The following NBEA variants were observed in gnomAD, a reference collection of about 807,000 sequenced individuals.
NBEA encodes lysosomal-trafficking regulator 2.
NBEA carries 44 observed loss-of-function variants against 343.4 expected under a neutral mutation model. That is an observed-to-expected ratio of 0.13 (90% confidence interval 0.10 to 0.16). NBEA has a LOEUF of 0.16. Among genes scored for constraint, NBEA ranks in the 10% least tolerant of loss-of-function variants. The pLI is 1.00. For synonymous variants in NBEA, 1,175 were observed against 1,238.7 expected (o/e 0.95, Z 1.08); for missense variants, 2,555 against 3,631.3 (o/e 0.70, Z 7.62).
intron 33 of NBEA, among the ~76,000 whole-genome samples, chr13:35,227,701 A>G (rs2074732286): frequency 6.6e-6 from 1 of 152,048 alleles, no homozygotes; most frequent in Admixed American, 6.6e-5. Context: ...GTTGTTTATT[A>G]TATTTGTGAC....
chr13:34,984,394 A>G (rs1235697926), intron 1 of NBEA, among the ~76,000 whole-genome samples: 2 of 151,982 alleles, frequency 1.3e-5, no homozygotes, highest in African/African-American at 2.4e-5. Flanking sequence ...GATCTGTTCC[A>G]TTGTTCTATA....
chr13:35,490,641 T>C (rs2076469304), intron 41 of NBEA, among the ~76,000 whole-genome samples: 1 of 151,944 alleles, frequency 6.6e-6, no homozygotes. Flanking sequence ...TTAAGAACAT[T>C]TTTACATCTT....
At chr13:35,259,970 A>G (rs2033057507) in intron 34 of NBEA, among the ~76,000 whole-genome samples, 1 of 152,238 alleles carries the variant, frequency 6.6e-6, no homozygotes, top group Non-Finnish European at 1.5e-5. Flanking sequence ...AACATTGACA[A>G]TCAGTGCTTT....
intron 38 of NBEA, among the ~76,000 whole-genome samples, chr13:35,389,813 G>C (rs2042412398): frequency 6.6e-6 from 1 of 151,900 alleles, no homozygotes; most frequent in South Asian, 2.1e-4. Flanking sequence ...CAGATAAAGT[G>C]GTCCTTTTAT....
intron 41 of NBEA, chr13:35,474,964 C>T (rs1009425100): frequency 7.7e-7 from 1 of 1,291,732 alleles, no homozygotes; most frequent in African/African-American, 1.5e-5. Context: ...AGATTGTTTG[C>T]ACTGCGGAGT....
intron 47 of NBEA, among the ~76,000 whole-genome samples, chr13:35,603,088 C>T (rs111487807): frequency 4.6e-5 from 7 of 152,120 alleles, no homozygotes; most frequent in African/African-American, 1.7e-4. Flanking sequence ...AAAGTTTCCC[C>T]TTAAAAGGCA....
intron 18 of NBEA, among the ~76,000 whole-genome samples, chr13:35,144,374 T>G (rs1279155661): frequency 6.6e-6 from 1 of 152,136 alleles, no homozygotes; most frequent in African/African-American, 2.4e-5. Flanking sequence ...ATGGTGCTGG[T>G]GAGTGTGTGA....
At chr13:34,981,111 C>T (rs569582887) in intron 1 of NBEA, among the ~76,000 whole-genome samples, 46 of 152,220 alleles carry the variant, frequency 3.0e-4, no homozygotes, top group Middle Eastern at 3.4e-3. Flanking sequence ...AGGCAACTAC[C>T]GATTTACCCT....
chr13:35,506,029 CTT>C (rs940801685), intron 41 of NBEA, among the ~76,000 whole-genome samples: 1 of 152,024 alleles, frequency 6.6e-6, no homozygotes, highest in African/African-American at 2.4e-5. Flanking sequence ...ATCAGATTCT[CTT>C]ATATATTTCC....
intron 5 of NBEA, 121 bp downstream of exon 5, chr13:35,048,805 CTG>C: frequency 1.9e-6 from 1 of 531,112 alleles, no homozygotes. Context: ...TATGCTAGAA[CTG>C]TGAAGACACT....
chr13:35,377,558 G>A (rs1276577261), intron 38 of NBEA, among the ~76,000 whole-genome samples: 1 of 152,156 alleles, frequency 6.6e-6, no homozygotes, highest in Non-Finnish European at 1.5e-5. Flanking sequence ...GCAGCAAGGT[G>A]CTATCTCTTA....
At chr13:35,166,305 T>A (rs1197245358) in intron 24 of NBEA, among the ~76,000 whole-genome samples, 1 of 152,184 alleles carries the variant, frequency 6.6e-6, no homozygotes, top group Non-Finnish European at 1.5e-5. Context: ...AGATAGAATA[T>A]TAAAGTAATG....
chr13:34,997,524 T>C (rs1275201523), intron 1 of NBEA, among the ~76,000 whole-genome samples: 1 of 152,200 alleles, frequency 6.6e-6, no homozygotes, highest in African/African-American at 2.4e-5. Flanking sequence ...TGTTTAAAAA[T>C]ATTTATGCTG....
intron 10 of NBEA, among the ~76,000 whole-genome samples, chr13:35,076,823 T>C (rs1343436729): frequency 2.6e-5 from 4 of 152,112 alleles, no homozygotes; most frequent in Non-Finnish European, 4.4e-5. Context: ...AGTATTGTTA[T>C]TTTACTCATG....
chr13:35,383,984 AAG>A (rs1294818736), intron 38 of NBEA, among the ~76,000 whole-genome samples: 4 of 152,186 alleles, frequency 2.6e-5, no homozygotes, highest in African/African-American at 7.2e-5. Context: ...GGCTGGCCAA[AAG>A]AGAGTCAATC....
intron 1 of NBEA, among the ~76,000 whole-genome samples, chr13:34,991,029 A>G (rs2060732741): frequency 6.6e-6 from 1 of 152,190 alleles, no homozygotes; most frequent in East Asian, 1.9e-4. Flanking sequence ...GTTCCCAATA[A>G]GTTCCTCATC....
At chr13:35,622,563 A>G (rs1431831200) in intron 48 of NBEA, among the ~76,000 whole-genome samples, 2 of 152,226 alleles carry the variant, frequency 1.3e-5, no homozygotes, top group Admixed American at 6.5e-5. Flanking sequence ...AAAGACAACT[A>G]TATTGTCTCT....
At chr13:35,383,290 A>G (rs932361837) in intron 38 of NBEA, among the ~76,000 whole-genome samples, 13 of 152,220 alleles carry the variant, frequency 8.5e-5, no homozygotes, top group Non-Finnish European at 1.9e-4. Flanking sequence ...AAGGACGTAT[A>G]TTATCTAAAG....
chr13:35,167,170 G>C (rs1015667661), intron 24 of NBEA, among the ~76,000 whole-genome samples: 1 of 151,922 alleles, frequency 6.6e-6, no homozygotes, highest in African/African-American at 2.4e-5. Context: ...GGTTTCATTG[G>C]CAGTATTGTT....
Sources: allele counts gnomAD v4.1 joint callset (sites outside exome capture counted in the v4.1 genomes callset), GRCh38; gene constraint gnomAD v4.1.1; transcripts MANE v1.5; gene names NCBI Gene and HGNC (gene_info 2026-07-23, HGNC 2026-07-21).